OXR1: variants seen among roughly 807,000 people sequenced by gnomAD.
OXR1 encodes the protein oxidation resistance 1.
Under a neutral mutation model 104.6 loss-of-function variants are expected in OXR1, and 41 were observed. That is an observed-to-expected ratio of 0.39 (90% confidence interval 0.31 to 0.51). The LOEUF is 0.51. Ranked by LOEUF, OXR1 falls within the 20% of genes least tolerant of loss-of-function variation. The pLI, the probability that OXR1 is intolerant of heterozygous loss-of-function variation, is 0.77. For missense variants in OXR1, 955 were observed against 1,031.9 expected, an observed-to-expected ratio of 0.93 and a Z score of 1.02; for synonymous variants, 348 against 348.4, an observed-to-expected ratio of 1.00 and a Z score of 0.01.
At chr8:106,522,736 G>A (rs2130142482) in intron 3 of OXR1, 1 of 152,326 alleles carries the variant, frequency 6.6e-6, no homozygotes, top group Middle Eastern at 3.4e-3. Context: ...TACAATGAAA[G>A]AGAGAAACCA....
chr8:106,627,071 C>T (rs1319000545), intron 3 of OXR1, among the ~76,000 whole-genome samples: 1 of 151,690 alleles, frequency 6.6e-6, no homozygotes, highest in East Asian at 1.9e-4. Flanking sequence ...CAACTAAAAC[C>T]AAGGCAAAAA....
chr8:106,315,444 A>G (rs1431119345), intron 1 of OXR1, among the ~76,000 whole-genome samples: 1 of 152,186 alleles, frequency 6.6e-6, no homozygotes, highest in Non-Finnish European at 1.5e-5. Context: ...CTACAACCAG[A>G]TGTTATCCTC....
intron 3 of OXR1, among the ~76,000 whole-genome samples, chr8:106,569,305 C>A (rs1817300960): frequency 6.6e-6 from 1 of 151,960 alleles, no homozygotes; most frequent in Non-Finnish European, 1.5e-5. Context: ...GGAGAGTTGC[C>A]AAGTTCAAGT....
At chr8:106,328,578 C>T (rs979139381) in intron 1 of OXR1, among the ~76,000 whole-genome samples, 1 of 152,188 alleles carries the variant, frequency 6.6e-6, no homozygotes, top group African/African-American at 2.4e-5. Context: ...GTGCTGGAAG[C>T]TGGTTGTTTG....
intron 3 of OXR1, among the ~76,000 whole-genome samples, chr8:106,662,839 GGATGATGATGATGAT>G (rs5893799): frequency 2.7e-5 from 4 of 149,100 alleles, no homozygotes; most frequent in East Asian, 3.9e-4. Context: ...TCAGTAAATG[GGATGATGATGATGAT>G]GATGATGATG....
intron 2 of OXR1, among the ~76,000 whole-genome samples, chr8:106,380,867 T>G (rs1817118452): frequency 6.6e-6 from 1 of 152,208 alleles, no homozygotes; most frequent in African/African-American, 2.4e-5. Flanking sequence ...CCTTATCAGA[T>G]ATATGATTTC....
chr8:106,618,703 T>C (rs918595664), intron 3 of OXR1, among the ~76,000 whole-genome samples: 1 of 152,242 alleles, frequency 6.6e-6, no homozygotes, highest in Admixed American at 6.5e-5. Flanking sequence ...GCTCTCACTT[T>C]TGTCACCACT....
At chr8:106,469,299 T>C (rs1295821289) in intron 2 of OXR1, among the ~76,000 whole-genome samples, 1 of 151,800 alleles carries the variant, frequency 6.6e-6, no homozygotes, top group East Asian at 1.9e-4. Flanking sequence ...CCAGTTTGAA[T>C]GCATGAGAAT....
intron 3 of OXR1, among the ~76,000 whole-genome samples, chr8:106,555,884 A>ATG (rs1280186071): frequency 3.9e-4 from 58 of 148,810 alleles, no homozygotes; most frequent in African/African-American, 1.4e-3. Context: ...GTATATATAT[A>ATG]TGTGTGTGTC....
chr8:106,733,643 C>CA (rs1270197223), intron 11 of OXR1, among the ~76,000 whole-genome samples: 75 of 151,660 alleles, frequency 4.9e-4, no homozygotes, highest in Admixed American at 6.6e-4. Flanking sequence ...CCCGTCTCTA[C>CA]AAAAAATACA....
At chr8:106,492,161 C>G (rs1300933453) in intron 2 of OXR1, among the ~76,000 whole-genome samples, 1 of 152,082 alleles carries the variant, frequency 6.6e-6, no homozygotes, top group Non-Finnish European at 1.5e-5. Flanking sequence ...CCCCTGATAC[C>G]CTGAGGTGCC....
intron 1 of OXR1, among the ~76,000 whole-genome samples, chr8:106,337,623 AAT>A (rs1382967685): frequency 6.6e-6 from 1 of 152,230 alleles, no homozygotes; most frequent in African/African-American, 2.4e-5. Context: ...GGGTTTAAAA[AAT>A]ACTTAAACAT....
rs1223069082 is a variant in OXR1, at chr8:106,650,879, A to G, written c.221-28331A>G. On this transcript the variant is annotated intron_variant, in intron 3 of 16. Coordinates refer to ENST00000517566, the MANE Select transcript of OXR1 (RefSeq NM_001198533.2). Reference sequence around the variant, plus strand: ...TTCTTTCATAATCAGTTATACCAGGAACTGTGTAGTTATTTTTAATGGCTG... The same window carrying G: ...TTCTTTCATAATCAGTTATACCAGGGACTGTGTAGTTATTTTTAATGGCTG... Among the ~76,000 whole-genome samples the G allele has an allele frequency of 2.6e-5, 4 of 152,206 alleles. No individual in the cohort carries two copies. In the East Asian group the frequency reaches 7.7e-4, roughly 29 times the overall value.
chr8:106,420,161 A>G (rs1056617838), intron 2 of OXR1, among the ~76,000 whole-genome samples: 6 of 152,140 alleles, frequency 3.9e-5, no homozygotes, highest in Non-Finnish European at 7.4e-5. Context: ...CTGACACTGA[A>G]GCAAAGCTGA....
chr8:106,569,521 TG>T (rs1817318371), intron 3 of OXR1, among the ~76,000 whole-genome samples: 1 of 152,208 alleles, frequency 6.6e-6, no homozygotes, highest in South Asian at 2.1e-4. Flanking sequence ...CCATTCTTCA[TG>T]CTATGTTACC....
chr8:106,496,997 G>A (rs1811459464), intron 2 of OXR1, among the ~76,000 whole-genome samples: 2 of 152,146 alleles, frequency 1.3e-5, no homozygotes, highest in African/African-American at 4.8e-5. Flanking sequence ...TGGGATTTTT[G>A]CACCATTCTG....
intron 2 of OXR1, among the ~76,000 whole-genome samples, chr8:106,395,376 T>C (rs1342072912): frequency 6.6e-6 from 1 of 152,164 alleles, no homozygotes; most frequent in Non-Finnish European, 1.5e-5. Context: ...CAGTTCCACA[T>C]GGCTGGGGAG....
At chr8:106,536,425 C>T (rs534181533) in intron 3 of OXR1, among the ~76,000 whole-genome samples, 46 of 151,898 alleles carry the variant, frequency 3.0e-4, no homozygotes, top group African/African-American at 1.1e-3. Flanking sequence ...TCAGCATCAC[C>T]GAGAACACAT....
At chr8:106,583,073 A>G (rs527684466) in intron 3 of OXR1, among the ~76,000 whole-genome samples, 8 of 152,294 alleles carry the variant, frequency 5.3e-5, no homozygotes, top group Admixed American at 3.3e-4. Flanking sequence ...TTTGAAAAAG[A>G]CTAAAATTAT....
Sources: gnomAD v4.1 joint callset for allele counts (sites outside exome capture counted in the v4.1 genomes callset) on GRCh38, gnomAD v4.1.1 for gene constraint, MANE v1.5 for transcripts, NCBI Gene and HGNC (gene_info 2026-07-23, HGNC 2026-07-21) for gene names.